Variants in SLC30A7 observed in about 807,000 individuals in gnomAD.
The protein encoded by SLC30A7 is solute carrier family 30 member 7, also known as zinc transporter 7.
Under a neutral mutation model 46.0 loss-of-function variants are expected in SLC30A7, and 35 were observed. The observed-to-expected ratio is 0.76, with a 90% CI of 0.58 to 1.01. SLC30A7 has a LOEUF of 1.01. Ranked by LOEUF, SLC30A7 falls within the 50% of genes least tolerant of loss-of-function variation. The pLI is 0.00. For synonymous variants in SLC30A7, 147 were observed against 157.8 expected, an observed-to-expected ratio of 0.93 and a Z score of 0.51; for missense variants, 464 against 451.1, an observed-to-expected ratio of 1.03 and a Z score of -0.26.
Position 100,965,877 on chromosome 1 carries a change from G to T in SLC30A7, c.1042G>T (p.Ala348Ser), listed in dbSNP as rs763602102. ...LKLIVAPDAD[A>S]RWILSQTHNI... ...ATTAATAGTAGCACCTGATGCTGATGCTAGGTGGATTTTAAGCCAAACACA... is the reference window on the plus strand; with the variant it reads ...ATTAATAGTAGCACCTGATGCTGATTCTAGGTGGATTTTAAGCCAAACACA... The change falls in exon 10 of 11, where the codon GCT becomes TCT. Residue 348 changes from alanine to serine, a missense_variant. Coordinates refer to ENST00000357650, the MANE Select transcript of SLC30A7 (RefSeq NM_133496.5). 1 of 1,613,856 alleles carries T rather than the reference G, an allele frequency of 6.2e-7. No homozygotes were observed. The highest frequency in any genetic ancestry group is 8.5e-7 in the Non-Finnish European group (1 of 1,179,904).
chr1:100,937,173 T>C (rs1301893508), intron 8 of SLC30A7, among the ~76,000 whole-genome samples: 1 of 152,192 alleles, frequency 6.6e-6, no homozygotes, highest in African/African-American at 2.4e-5. Context: ...CTGCTATTAC[T>C]ACCTGCAGAC....
chr1:100,921,215 G>T (rs561011750), intron 7 of SLC30A7, among the ~76,000 whole-genome samples: 1 of 152,248 alleles, frequency 6.6e-6, no homozygotes, highest in Non-Finnish European at 1.5e-5. Context: ...ATTAATAAGT[G>T]TAACAGGATA....
chr1:100,896,880 T>C (rs1473497360), intron 2 of SLC30A7, among the ~76,000 whole-genome samples: 1 of 152,146 alleles, frequency 6.6e-6, no homozygotes, highest in Non-Finnish European at 1.5e-5. Context: ...GCAACCTCTC[T>C]TGTCACGCTC....
chr1:100,912,284 C>T (rs779543584), intron 5 of SLC30A7, 46 bp downstream of exon 5: 8 of 1,592,394 alleles, frequency 5.0e-6, no homozygotes, highest in Admixed American at 3.5e-5. Flanking sequence ...TACTAGGTTT[C>T]TGTCATAATT....
Position 100,951,684 on chromosome 1 carries a change from C to T in SLC30A7, c.843-10144C>T, listed in dbSNP as rs143567961. 7.2e-4 allele frequency among the ~76,000 whole-genome samples: 110 copies of T among 152,282 alleles called. 1 individual carries two copies. Among genetic ancestry groups the T allele is most frequent in the Admixed American group, 2.2e-3 (34 of 15,298 alleles). On this transcript the variant is annotated intron_variant, in intron 8 of 10. Transcript: ENST00000357650. ...CTCCATGTTGTGAAAAGTCTTCCCACCTGGAGGACCTAACTCAGACCCTCC... is the reference window on the plus strand; with the variant it reads ...CTCCATGTTGTGAAAAGTCTTCCCATCTGGAGGACCTAACTCAGACCCTCC...
At chr1:100,915,334 C>T (rs774296178) in intron 6 of SLC30A7, among the ~76,000 whole-genome samples, 3 of 150,886 alleles carry the variant, frequency 2.0e-5, no homozygotes, top group Non-Finnish European at 4.4e-5. Flanking sequence ...TTTAAGTATA[C>T]AATACAGTAT....
At chr1:100,947,780 G>A (rs1046754572) in intron 8 of SLC30A7, among the ~76,000 whole-genome samples, 11 of 152,170 alleles carry the variant, frequency 7.2e-5, no homozygotes, top group African/African-American at 2.7e-4. Flanking sequence ...TTGTTGAATT[G>A]ATCCCTTTAC....
chr1:100,935,537 T>C (rs1327352834), intron 8 of SLC30A7, among the ~76,000 whole-genome samples: 3 of 152,214 alleles, frequency 2.0e-5, no homozygotes, highest in Non-Finnish European at 2.9e-5. Context: ...CTATCACCTA[T>C]GCACTGGAAT....
At chr1:100,924,993 A>T (rs1570538515) in intron 8 of SLC30A7, among the ~76,000 whole-genome samples, 5 of 152,262 alleles carry the variant, frequency 3.3e-5, no homozygotes. Context: ...GTGAGACAAT[A>T]AACAAATTAA....
At chr1:100,958,604 TTTAC>T (rs1177409482) in intron 8 of SLC30A7, among the ~76,000 whole-genome samples, 1 of 152,250 alleles carries the variant, frequency 6.6e-6, no homozygotes, top group Non-Finnish European at 1.5e-5. Context: ...CTTTCTTTAC[TTTAC>T]TTTCTTTTCT....
intron 8 of SLC30A7, among the ~76,000 whole-genome samples, 160 bp downstream of exon 8, chr1:100,922,001 T>C (rs574584462): frequency 7.3e-4 from 108 of 148,196 alleles, no homozygotes; most frequent in Non-Finnish European, 2.2e-4. Context: ...TCACCCAGGC[T>C]GGAGTGCTGT....
chr1:100,992,331 A>G, the SLC30A7 span, among the ~76,000 whole-genome samples: 1 of 152,138 alleles, frequency 6.6e-6, no homozygotes, highest in African/African-American at 2.4e-5. Context: ...CATAATAGAT[A>G]TATTTTACAA....
intron 8 of SLC30A7, among the ~76,000 whole-genome samples, chr1:100,922,101 C>T (rs1652974574): frequency 6.6e-6 from 1 of 151,822 alleles, no homozygotes; most frequent in East Asian, 1.9e-4. Flanking sequence ...TTACAGACAA[C>T]TGCAACCAGC....
chr1:100,904,630 T>A (rs186077334), intron 2 of SLC30A7, among the ~76,000 whole-genome samples: 2 of 152,290 alleles, frequency 1.3e-5, no homozygotes, highest in East Asian at 3.9e-4. Flanking sequence ...ATAGTATTTA[T>A]GATCGGAAAT....
chr1:100,896,708 G>C, intron 2 of SLC30A7, 37 bp downstream of exon 2: 1 of 1,564,606 alleles, frequency 6.4e-7, no homozygotes, highest in Non-Finnish European at 8.8e-7. Flanking sequence ...CGGAAGCTGG[G>C]TGTGAGGGAG....
At chr1:100,915,206 T>C (rs959100367) in intron 6 of SLC30A7, among the ~76,000 whole-genome samples, 2 of 120,006 alleles carry the variant, frequency 1.7e-5, no homozygotes, top group African/African-American at 6.0e-5. Context: ...TCTTTCTTTC[T>C]TTCTTTCTTT....
intron 8 of SLC30A7, among the ~76,000 whole-genome samples, chr1:100,961,248 AC>A (rs900725027): frequency 1.6e-4 from 25 of 151,970 alleles, no homozygotes; most frequent in African/African-American, 5.8e-4. Flanking sequence ...GGCATGAGCC[AC>A]CGCGCCCGGC....
intron 2 of SLC30A7, among the ~76,000 whole-genome samples, chr1:100,899,463 GTAAC>G (rs1651166253): frequency 2.0e-5 from 3 of 152,016 alleles, no homozygotes; most frequent in Admixed American, 6.5e-5. Flanking sequence ...TTATTGTTGA[GTAAC>G]TGACTAATCT....
At position 100,980,549 on chromosome 1, in the gene SLC30A7, T is replaced by C. The variant is rs1019048160; in HGVS notation, c.*5692T>C. On this transcript the variant is annotated 3_prime_UTR_variant, in exon 11 of 11. Transcript: ENST00000357650. The stretch of plus-strand genomic sequence containing the variant: ...CTAGTGAACATTTTAGATAGTTGTG[T>C]CAAAAATAAGGGTTAGGGATAGGTA... 6.6e-6 allele frequency: 1 copy of C among 152,116 alleles called. No homozygotes were observed. Among genetic ancestry groups the C allele is most frequent in the Non-Finnish European group, 1.5e-5 (1 of 67,956 alleles). The allele number at this position is 152,116 out of a possible 1,614,324, so 9.4% of individuals were successfully genotyped here. A position where few individuals can be genotyped will look rare whatever the true frequency, so the allele number is the denominator to read the frequency against.
Sources: gnomAD v4.1 joint callset for allele counts (sites outside exome capture counted in the v4.1 genomes callset) on GRCh38, gnomAD v4.1.1 for gene constraint, MANE v1.5 for transcripts, NCBI Gene and HGNC (gene_info 2026-07-23, HGNC 2026-07-21) for gene names.